The following PRKN variants were observed in gnomAD, a reference collection of about 807,000 sequenced individuals.
PRKN encodes E3 ubiquitin-protein ligase parkin.
PRKN carries 56 observed loss-of-function variants against 59.5 expected under a neutral mutation model. The ratio of observed to expected loss-of-function variants is 0.94; its 90% confidence interval spans 0.76 to 1.18. PRKN has a LOEUF of 1.18. Ranked by LOEUF, PRKN falls within the 50% of genes most tolerant of loss-of-function variation. The pLI, the probability that PRKN is intolerant of heterozygous loss-of-function variation, is 0.00. For synonymous variants in PRKN, 250 were observed against 222.1 expected (o/e 1.13, Z -1.12); for missense variants, 657 against 596.4 (o/e 1.10, Z -1.06).
At chr6:161,591,183 A>G (rs927300891) in intron 7 of PRKN, among the ~76,000 whole-genome samples, 2 of 152,236 alleles carry the variant, frequency 1.3e-5, no homozygotes, top group Non-Finnish European at 2.9e-5. Context: ...ACAGGAAGAA[A>G]CAAATGTGGT....
chr6:162,278,354 T>A (rs1780726099), intron 2 of PRKN, among the ~76,000 whole-genome samples: 2 of 152,248 alleles, frequency 1.3e-5, no homozygotes, highest in Non-Finnish European at 2.9e-5. Context: ...AGGGTGATAC[T>A]ATGTTGATGG....
At chr6:162,628,867 A>C (rs1782997818) in intron 1 of PRKN, among the ~76,000 whole-genome samples, 2 of 152,254 alleles carry the variant, frequency 1.3e-5, no homozygotes, top group Admixed American at 1.3e-4. Context: ...ATTAATCCTC[A>C]CTAGAGTTTA....
chr6:162,262,205 T>C (rs973836688), intron 3 of PRKN, among the ~76,000 whole-genome samples: 3 of 152,204 alleles, frequency 2.0e-5, no homozygotes, highest in Admixed American at 6.5e-5. Context: ...GCCATTGGCA[T>C]ATCTGGCTTT....
At chr6:161,731,991 T>C (rs1787735189) in intron 7 of PRKN, among the ~76,000 whole-genome samples, 1 of 152,168 alleles carries the variant, frequency 6.6e-6, no homozygotes, top group Non-Finnish European at 1.5e-5. Flanking sequence ...TGTGCAGGTT[T>C]GTTACACAGG....
At chr6:162,002,320 G>C (rs1211802435) in intron 5 of PRKN, among the ~76,000 whole-genome samples, 1 of 152,004 alleles carries the variant, frequency 6.6e-6, no homozygotes, top group Non-Finnish European at 1.5e-5. Context: ...ATTAATTCCT[G>C]ATTCAATTTT....
intron 1 of PRKN, among the ~76,000 whole-genome samples, chr6:162,686,371 C>T (rs1274386316): frequency 1.3e-5 from 2 of 152,074 alleles, no homozygotes; most frequent in East Asian, 3.9e-4. Flanking sequence ...AAGTCATGTC[C>T]ACACCAGAGG....
intron 6 of PRKN, among the ~76,000 whole-genome samples, chr6:161,858,228 T>C (rs4529278): frequency 0.28 from 42,243 of 152,054 alleles, 6,581 homozygotes; most frequent in South Asian, 0.39. Flanking sequence ...TCCATAAGGA[T>C]AACCTATTCA....
At chr6:161,885,880 G>A (rs1336381602) in intron 6 of PRKN, among the ~76,000 whole-genome samples, 1 of 152,162 alleles carries the variant, frequency 6.6e-6, no homozygotes, top group African/African-American at 2.4e-5. Flanking sequence ...TTTGAGGAGG[G>A]AAGAAAGGAG....
At chr6:161,668,724 G>T (rs1784808287) in intron 7 of PRKN, among the ~76,000 whole-genome samples, 2 of 152,068 alleles carry the variant, frequency 1.3e-5, no homozygotes. Flanking sequence ...ACAAATATTT[G>T]GCACATAGTA....
intron 6 of PRKN, among the ~76,000 whole-genome samples, chr6:161,909,786 T>C (rs546637320): frequency 1.9e-4 from 29 of 152,238 alleles, no homozygotes; most frequent in Non-Finnish European, 3.2e-4. Context: ...GTACATACTA[T>C]AACTGCTTGA....
chr6:161,781,729 A>G (rs1011152183), intron 7 of PRKN, among the ~76,000 whole-genome samples: 1 of 152,230 alleles, frequency 6.6e-6, no homozygotes, highest in African/African-American at 2.4e-5. Context: ...TGAAAATAAT[A>G]TATGTAACCT....
chr6:162,463,248 C>T (rs530534313), intron 1 of PRKN, among the ~76,000 whole-genome samples: 16 of 152,160 alleles, frequency 1.1e-4, no homozygotes, highest in African/African-American at 3.6e-4. Context: ...GATTACTTAC[C>T]ATGGAAATAC....
rs114152339 is a variant in PRKN, at chr6:161,563,373, G to A, written c.933+5982C>T. ...GATTAAACCTAAGGTGGAGGAAGCTGGTATAAATGGAGGTACTTCTGAAAT... is the reference window on the plus strand; with the variant it reads ...GATTAAACCTAAGGTGGAGGAAGCTAGTATAAATGGAGGTACTTCTGAAAT... On this transcript the variant is annotated intron_variant, in intron 8 of 11. Coordinates refer to ENST00000366898, the MANE Select transcript of PRKN (RefSeq NM_004562.3). 5.0e-3 allele frequency among the ~76,000 whole-genome samples: 756 copies of A among 152,210 alleles called. 4 individuals are homozygous for A. Among genetic ancestry groups the A allele is most frequent in the African/African-American group, 0.017 (695 of 41,522 alleles).
At position 162,180,357 on chromosome 6, in the gene PRKN, T is replaced by C. The variant is rs144191672; in HGVS notation, c.534+20774A>G. 2.6e-3 allele frequency among the ~76,000 whole-genome samples: 393 copies of C among 152,306 alleles called. 8 individuals are homozygous for C. Among genetic ancestry groups the C allele is most frequent in the East Asian group, 0.019 (99 of 5,172 alleles). ...GGGATGGATACCTCATTCTGCATCC[T>C]GTGCTTATTTCACATTGCATGCCTG... On this transcript the variant is annotated intron_variant, in intron 4 of 11. Coordinates refer to ENST00000366898, the MANE Select transcript of PRKN (RefSeq NM_004562.3).
chr6:161,508,489 T>C (rs1778254960), intron 9 of PRKN, among the ~76,000 whole-genome samples: 1 of 152,214 alleles, frequency 6.6e-6, no homozygotes, highest in Non-Finnish European at 1.5e-5. Context: ...ATGGCTCCAT[T>C]ACACATGATG....
intron 1 of PRKN, among the ~76,000 whole-genome samples, chr6:162,620,528 C>T (rs1409097986): frequency 6.6e-6 from 1 of 152,188 alleles, no homozygotes; most frequent in Non-Finnish European, 1.5e-5. Context: ...TTTCATCCAA[C>T]ACTAATGTGC....
intron 3 of PRKN, among the ~76,000 whole-genome samples, chr6:162,235,942 GAAGGAAGGAAGA>G (rs1562602115): frequency 2.1e-5 from 2 of 94,328 alleles, no homozygotes; most frequent in African/African-American, 4.3e-5. Flanking sequence ...AGGAAGGAAG[GAAGGAAGGAAGA>G]AAGGAAGAAA....
At chr6:162,599,047 G>A (rs1781597264) in intron 1 of PRKN, among the ~76,000 whole-genome samples, 2 of 151,942 alleles carry the variant, frequency 1.3e-5, no homozygotes, top group Non-Finnish European at 2.9e-5. Context: ...TATTTTATGA[G>A]GTCCCAGTAT....
intron 2 of PRKN, among the ~76,000 whole-genome samples, chr6:162,265,369 A>G (rs1780081340): frequency 1.3e-5 from 2 of 152,098 alleles, no homozygotes; most frequent in South Asian, 2.1e-4. Flanking sequence ...CCAGGGCCTT[A>G]TATTTGTCCC....
Sources: gnomAD v4.1 joint callset for allele counts (sites outside exome capture counted in the v4.1 genomes callset) on GRCh38, gnomAD v4.1.1 for gene constraint, MANE v1.5 for transcripts, NCBI Gene and HGNC (gene_info 2026-07-23, HGNC 2026-07-21) for gene names.